Variants in PIK3R3 observed in about 807,000 individuals in gnomAD.
PIK3R3 encodes phosphatidylinositol 3-kinase regulatory subunit gamma.
Under a neutral mutation model 62.9 loss-of-function variants are expected in PIK3R3, and 64 were observed. That is an observed-to-expected ratio of 1.02 (90% CI 0.83 to 1.25). PIK3R3 has a LOEUF of 1.25. PIK3R3 is among the 50% of genes most tolerant of loss of function. PIK3R3 has a pLI of 0.00. For synonymous variants in PIK3R3, 165 were observed against 189.0 expected (o/e 0.87, Z 1.04); for missense variants, 614 against 561.6 (o/e 1.09, Z -0.94).
At chr1:46,074,055 C>T (rs1408980620) in intron 3 of PIK3R3, among the ~76,000 whole-genome samples, 1 of 144,208 alleles carries the variant, frequency 6.9e-6, no homozygotes, top group Non-Finnish European at 1.5e-5. Context: ...TTTGGGAGGC[C>T]GAGGCGGGCG....
At position 46,083,319 on chromosome 1, in the gene PIK3R3, A is replaced by T. The variant is rs561540384; in HGVS notation, c.107-2569T>A. On this transcript the variant is annotated intron_variant, in intron 1 of 9. Transcript: ENST00000262741. Reference sequence around the variant, plus strand: ...ATTCTTACAAGAAAAAATAGGCTTAAATCTTTGTGACTTTAGATTAGGTAA... The same window carrying T: ...ATTCTTACAAGAAAAAATAGGCTTATATCTTTGTGACTTTAGATTAGGTAA... 7.9e-5 allele frequency among the ~76,000 whole-genome samples: 12 copies of T among 152,324 alleles called. No homozygotes were observed. The South Asian group carries it at 2.3e-3, about 29-fold the overall frequency.
At chr1:46,100,366 C>T (rs919967568) in intron 1 of PIK3R3, among the ~76,000 whole-genome samples, 1 of 151,962 alleles carries the variant, frequency 6.6e-6, no homozygotes, top group Non-Finnish European at 1.5e-5. Flanking sequence ...CCAATTGTTC[C>T]ATTATCATTT....
Position 46,080,672 on chromosome 1 carries a change from T to A in PIK3R3, c.185A>T (p.Asp62Val). The change falls in exon 2 of 10, where the codon GAT (aspartate) becomes GTT (valine). Residue 62 changes from aspartate (D) to valine (V), a missense_variant. Coordinates refer to ENST00000262741, the MANE Select transcript of PIK3R3 (RefSeq NM_003629.4). ...AATATCCCCCCAGTACCATTCTGCA[T>A]CCTGAAGAGAAACAGAACTGTCCTT... ...GMKDSSVSLQ[D>V]AEWYWGDISR... 1 of 1,612,414 alleles carries A rather than the reference T, an allele frequency of 6.2e-7. No individual in the cohort carries two copies. Among genetic ancestry groups the A allele is most frequent in the Non-Finnish European group, 8.5e-7 (1 of 1,178,408 alleles).
the PIK3R3 span, among the ~76,000 whole-genome samples, chr1:46,174,441 A>G: frequency 8.5e-5 from 13 of 152,064 alleles, no homozygotes; most frequent in Non-Finnish European, 1.9e-4. Context: ...CATAAGCACA[A>G]TTCACTTTCC....
upstream of PIK3R3, chr1:46,133,118 AT>A: frequency 1.2e-6 from 1 of 810,850 alleles, no homozygotes; most frequent in East Asian, 1.3e-4. Flanking sequence ...AAGCGGGCCA[AT>A]CAGGAGACAG....
intron 2 of PIK3R3, among the ~76,000 whole-genome samples, chr1:46,080,319 C>T (rs1325086934): frequency 6.6e-6 from 1 of 152,032 alleles, no homozygotes; most frequent in Non-Finnish European, 1.5e-5. Flanking sequence ...ACCTCAGCCT[C>T]CCAAAGTGCA....
the PIK3R3 span, among the ~76,000 whole-genome samples, chr1:46,164,078 G>A: frequency 9.8e-5 from 15 of 152,286 alleles, no homozygotes; most frequent in Admixed American, 7.2e-4. Flanking sequence ...CAGCACTGAC[G>A]AATAATACCT....
At chr1:46,140,914 G>A in the PIK3R3 span, among the ~76,000 whole-genome samples, 1 of 151,896 alleles carries the variant, frequency 6.6e-6, no homozygotes, top group African/African-American at 2.4e-5. Flanking sequence ...AGGCTGGAAT[G>A]CAGTGGCATG....
chr1:46,084,322 A>G (rs576347583), intron 1 of PIK3R3, among the ~76,000 whole-genome samples: 1 of 152,216 alleles, frequency 6.6e-6, no homozygotes, highest in Admixed American at 6.5e-5. Flanking sequence ...AAAATATTCC[A>G]AAATTGGCTA....
chr1:46,159,975 C>A, the PIK3R3 span, among the ~76,000 whole-genome samples: 5 of 152,144 alleles, frequency 3.3e-5, no homozygotes, highest in Non-Finnish European at 4.4e-5. Flanking sequence ...CAAAAACACA[C>A]AAGCAAACAA....
rs186728731 is a variant in PIK3R3 at position 46,055,898 on chromosome 1, C to T, written c.838G>A (p.Asp280Asn). Residue 280 changes from aspartate to asparagine, a missense_variant, in exon 7 of 10, where the codon GAT (aspartate) becomes AAT (asparagine). Asp to Asn is a conservative substitution (Grantham distance 23). Transcript: ENST00000262741. Reference protein sequence around the residue: ...IHDSKMRLEQDLKNQALDNRE... With the variant: ...IHDSKMRLEQNLKNQALDNRE... ...TTGTCCAAAGCTTGATTCTTCAAATCCTGCTCTAGACGCATTTTGCTATCA... is the reference window on the plus strand; with the variant it reads ...TTGTCCAAAGCTTGATTCTTCAAATTCTGCTCTAGACGCATTTTGCTATCA... 8.6e-5 allele frequency: 139 copies of T among 1,610,536 alleles called. 1 individual carries two copies. The highest frequency in any genetic ancestry group is 4.7e-4 in the Admixed American group (28 of 59,764).
At chr1:46,085,546 T>G (rs1443395377) in intron 1 of PIK3R3, among the ~76,000 whole-genome samples, 1 of 152,192 alleles carries the variant, frequency 6.6e-6, no homozygotes, top group East Asian at 1.9e-4. Flanking sequence ...CAAATGTGAA[T>G]AAAAATTTAT....
In PIK3R3 at chr1:46,127,070, C is replaced by A. The variant is rs1006231550; in HGVS notation, c.106+4777G>T. On this transcript the variant is annotated intron_variant, in intron 1 of 9. Transcript: ENST00000262741. ...TAATTTTAGGCTGGGCACGGTGGCTCATGCCTGTAATCCCAGCATTTTGGG... is the reference window on the plus strand; with the variant it reads ...TAATTTTAGGCTGGGCACGGTGGCTAATGCCTGTAATCCCAGCATTTTGGG... Among the ~76,000 whole-genome samples the A allele has an allele frequency of 2.0e-5, 3 of 151,594 alleles. No homozygotes were observed. The South Asian group carries it at 6.2e-4, about 32-fold the overall frequency.
intron 1 of PIK3R3, among the ~76,000 whole-genome samples, chr1:46,087,884 A>G (rs1651237721): frequency 6.6e-6 from 1 of 152,218 alleles, no homozygotes; most frequent in Non-Finnish European, 1.5e-5. Context: ...GATTCTTCCT[A>G]CATGAGGCTA....
upstream of PIK3R3, chr1:46,132,681 C>G (rs1458239346): frequency 1.6e-6 from 2 of 1,289,736 alleles, no homozygotes; most frequent in Non-Finnish European, 1.0e-6. Flanking sequence ...GACACCCTCC[C>G]CGCCCCATGC....
chr1:46,040,599 A>C lies in PIK3R3; in HGVS notation c.*3074T>G. The C allele has an allele frequency of 8.9e-6, 2 of 223,522 alleles. No homozygotes were observed. Among genetic ancestry groups the C allele is most frequent in the African/African-American group, 2.2e-5 (1 of 44,926 alleles). The allele number at this position is 223,522 out of a possible 1,614,324, so 13.8% of individuals were successfully genotyped here. A position where few individuals can be genotyped will look rare whatever the true frequency, so the allele number is the denominator to read the frequency against. On this transcript the variant is annotated 3_prime_UTR_variant, in exon 10 of 10. Coordinates refer to ENST00000262741, the MANE Select transcript of PIK3R3 (RefSeq NM_003629.4). ...ACCCTCTGGTTTCTGAGGCCACTGA[A>C]GCCTCACAGAGGCCTACTCTGGGTT...
At chr1:46,083,085 A>C (rs1200588753) in intron 1 of PIK3R3, among the ~76,000 whole-genome samples, 1 of 152,148 alleles carries the variant, frequency 6.6e-6, no homozygotes, top group East Asian at 1.9e-4. Context: ...CTCAAAAATA[A>C]ACAAATAAAG....
chr1:46,088,658 G>A (rs557929813), intron 1 of PIK3R3, among the ~76,000 whole-genome samples: 1 of 152,188 alleles, frequency 6.6e-6, no homozygotes. Context: ...GATCAACTCA[G>A]AAGATCCAGC....
At chr1:46,161,854 A>G in the PIK3R3 span, among the ~76,000 whole-genome samples, 28 of 152,212 alleles carry the variant, frequency 1.8e-4, no homozygotes, top group Non-Finnish European at 2.4e-4. Context: ...GCATTTTGGG[A>G]GGCCAAGGTG....
Sources: gnomAD v4.1 joint callset for allele counts (sites outside exome capture counted in the v4.1 genomes callset) on GRCh38, gnomAD v4.1.1 for gene constraint, MANE v1.5 for transcripts, NCBI Gene and HGNC (gene_info 2026-07-23, HGNC 2026-07-21) for gene names.